Variants in ZNF536 observed in about 807,000 individuals in gnomAD.
The protein encoded by ZNF536 is zinc finger protein 536.
Under a neutral mutation model 84.5 loss-of-function variants are expected in ZNF536, and 13 were observed. The ratio of observed to expected loss-of-function variants is 0.15; its 90% CI spans 0.10 to 0.24. ZNF536 has a LOEUF of 0.24. ZNF536 is among the 10% of genes least tolerant of loss of function. The pLI, the probability that ZNF536 is intolerant of heterozygous loss-of-function variation, is 1.00. For missense variants in ZNF536, 1,536 were observed against 1,747.5 expected (o/e 0.88, Z 2.16); for synonymous variants, 811 against 742.5 (o/e 1.09, Z -1.50).
At chr19:30,525,498 G>A (rs999373173) in intron 2 of ZNF536, among the ~76,000 whole-genome samples, 1 of 152,162 alleles carries the variant, frequency 6.6e-6, no homozygotes, top group African/African-American at 2.4e-5. Flanking sequence ...GAAATGTCAC[G>A]GCAGGCCATA....
chr19:30,346,780 A>C (rs1035202574), intron 2 of ZNF536, among the ~76,000 whole-genome samples: 2 of 152,192 alleles, frequency 1.3e-5, no homozygotes, highest in Non-Finnish European at 2.9e-5. Context: ...TGAGTTTGCT[A>C]TTGTAAATAA....
At chr19:30,329,227 A>T (rs1476558762) in intron 2 of ZNF536, among the ~76,000 whole-genome samples, 2 of 152,244 alleles carry the variant, frequency 1.3e-5, no homozygotes, top group African/African-American at 2.4e-5. Flanking sequence ...TTATTGAGAC[A>T]GGTCCGAAAG....
chr19:30,262,339 C>T (rs1450578894), intron 1 of ZNF536, among the ~76,000 whole-genome samples: 1 of 152,196 alleles, frequency 6.6e-6, no homozygotes, highest in Admixed American at 6.5e-5. Context: ...ACTGAGTTTC[C>T]CTGAGGCATC....
chr19:30,436,588 T>A (rs2051760093), intron 1 of ZNF536: 1 of 795,128 alleles, frequency 1.3e-6, no homozygotes, highest in Non-Finnish European at 1.5e-6. Context: ...CTGAAAAGGT[T>A]CAGTAGTCTG....
At chr19:30,454,751 GA>G (rs2052759961) in intron 2 of ZNF536, among the ~76,000 whole-genome samples, 1 of 152,094 alleles carries the variant, frequency 6.6e-6, no homozygotes, top group Non-Finnish European at 1.5e-5. Flanking sequence ...TTCCACTTGG[GA>G]CCGGGTGTGG....
In ZNF536 at chr19:30,332,476, C is replaced by T. The variant is rs1222152051; in HGVS notation, c.-119-19892C>T. On this transcript the variant is annotated intron_variant, in intron 2 of 5. Coordinates refer to the ZNF536 transcript ENST00000585628. ...GCCCATGCGTGTCCTCCTGCTCCTC[C>T]GTCAGAACTGCCCTTCCCTCCATCC... 2.6e-5 allele frequency among the ~76,000 whole-genome samples: 4 copies of T among 152,156 alleles called. No homozygotes were observed. In the East Asian group the frequency reaches 5.8e-4, roughly 22 times the overall value.
intron 2 of ZNF536, among the ~76,000 whole-genome samples, chr19:30,448,442 GGAGA>G (rs1423374650): frequency 6.6e-6 from 1 of 152,154 alleles, no homozygotes; most frequent in East Asian, 1.9e-4. Context: ...GCAAGGTGAA[GGAGA>G]GAGAGAGAAA....
In ZNF536 at chr19:30,278,824, C is replaced by T. The variant is rs531456488; in HGVS notation, c.-189-5248C>T. ...CCTCCCCCATGGGTCCCCCTGCCTCCTCTCTGACCCCCTCTTGTCTGCTCC... is the reference window on the plus strand; with the variant it reads ...CCTCCCCCATGGGTCCCCCTGCCTCTTCTCTGACCCCCTCTTGTCTGCTCC... On this transcript the variant is annotated intron_variant, in intron 1 of 5. Transcript: ENST00000585628. 1.2e-4 allele frequency among the ~76,000 whole-genome samples: 19 copies of T among 152,336 alleles called. No individual in the cohort carries two copies. The East Asian group carries it at 3.5e-3, about 28-fold the overall frequency.
chr19:30,517,496 T>C (rs75054306), intron 2 of ZNF536, among the ~76,000 whole-genome samples: 5,012 of 152,210 alleles, frequency 0.033, 295 homozygotes, highest in African/African-American at 0.11. Context: ...GGGCTCAGCA[T>C]TGGGAGATAA....
At chr19:30,285,848 A>G (rs1568304703) in intron 2 of ZNF536, among the ~76,000 whole-genome samples, 1 of 152,192 alleles carries the variant, frequency 6.6e-6, no homozygotes, top group Non-Finnish European at 1.5e-5. Context: ...GTGACAATCA[A>G]AATAACTCCA....
intron 2 of ZNF536, among the ~76,000 whole-genome samples, chr19:30,486,375 G>C (rs1315494828): frequency 6.6e-6 from 1 of 152,160 alleles, no homozygotes; most frequent in Non-Finnish European, 1.5e-5. Context: ...TCCTGCATTA[G>C]TTTGCTAAGG....
chr19:30,333,726 C>T (rs1477829352), intron 2 of ZNF536, among the ~76,000 whole-genome samples: 4 of 152,164 alleles, frequency 2.6e-5, no homozygotes, highest in African/African-American at 9.6e-5. Context: ...TAGGAACACC[C>T]GTGCACCAGC....
chr19:30,472,083 A>C (rs1014744319), intron 2 of ZNF536, among the ~76,000 whole-genome samples: 5 of 152,224 alleles, frequency 3.3e-5, no homozygotes, highest in Non-Finnish European at 7.3e-5. Flanking sequence ...TCAGGTGCAT[A>C]CCTGCGGAAG....
At chr19:30,666,914 G>C (rs1247653312) in intron 1 of ZNF536, among the ~76,000 whole-genome samples, 1 of 151,794 alleles carries the variant, frequency 6.6e-6, no homozygotes, top group East Asian at 1.9e-4. Context: ...ATATTTTACA[G>C]AGCATATCAG....
intron 1 of ZNF536, among the ~76,000 whole-genome samples, chr19:30,424,811 G>T (rs75397837): frequency 6.6e-6 from 1 of 152,180 alleles, no homozygotes; most frequent in Admixed American, 6.5e-5. Flanking sequence ...CAAATGGCTA[G>T]GAGGCAGCTG....
At chr19:30,579,934 G>A (rs1231887820) in intron 1 of ZNF536, among the ~76,000 whole-genome samples, 1 of 152,124 alleles carries the variant, frequency 6.6e-6, no homozygotes, top group East Asian at 1.9e-4. Context: ...CTTTCTGCTG[G>A]TAGACTCTTT....
chr19:30,452,758 C>T (rs377684504), intron 2 of ZNF536, among the ~76,000 whole-genome samples: 4 of 152,168 alleles, frequency 2.6e-5, no homozygotes, highest in Admixed American at 6.5e-5. Context: ...TTCCCAAATC[C>T]GTGATGATTG....
At chr19:30,502,255 T>C (rs1330631063) in intron 2 of ZNF536, among the ~76,000 whole-genome samples, 1 of 152,138 alleles carries the variant, frequency 6.6e-6, no homozygotes, top group African/African-American at 2.4e-5. Context: ...CTGTCTTGAG[T>C]CTATTAGACC....
chr19:30,430,047 G>T (rs1413777172), intron 1 of ZNF536, among the ~76,000 whole-genome samples: 2 of 151,960 alleles, frequency 1.3e-5, no homozygotes, highest in African/African-American at 2.4e-5. Context: ...TGTGAAGGGT[G>T]GGGGAGGGGA....
Sources: allele counts gnomAD v4.1 joint callset (sites outside exome capture counted in the v4.1 genomes callset), GRCh38; gene constraint gnomAD v4.1.1; transcripts MANE v1.5; gene names NCBI Gene and HGNC (gene_info 2026-07-23, HGNC 2026-07-21).